FER: variants seen among roughly 807,000 people sequenced by gnomAD.
FER encodes the protein FER tyrosine kinase.
FER carries 63 observed loss-of-function variants against 111.0 expected under a neutral mutation model. The ratio of observed to expected loss-of-function variants is 0.57; its 90% CI spans 0.46 to 0.70. The LOEUF is 0.70. FER is among the 30% of genes least tolerant of loss of function. FER has a pLI of 0.00. For synonymous variants in FER, 327 were observed against 313.9 expected, an observed-to-expected ratio of 1.04 and a Z score of -0.44; for missense variants, 914 against 954.0, an observed-to-expected ratio of 0.96 and a Z score of 0.55.
At chr5:108,971,684 A>G (rs1002195189) in intron 13 of FER, among the ~76,000 whole-genome samples, 1 of 152,160 alleles carries the variant, frequency 6.6e-6, no homozygotes, top group Non-Finnish European at 1.5e-5. Flanking sequence ...AATAAAGAAC[A>G]TTCTACATCA....
intron 11 of FER, among the ~76,000 whole-genome samples, chr5:108,953,232 A>G (rs1221947120): frequency 6.6e-6 from 1 of 151,878 alleles, no homozygotes; most frequent in Non-Finnish European, 1.5e-5. Context: ...ATATTCTTTT[A>G]CCTCATAGTC....
chr5:108,827,785 C>A (rs1354394323), intron 3 of FER, among the ~76,000 whole-genome samples: 1 of 147,902 alleles, frequency 6.8e-6, no homozygotes. Context: ...AGTGTTTATC[C>A]CATTTTCGTA....
intron 9 of FER, among the ~76,000 whole-genome samples, chr5:108,888,388 A>G (rs1455979677): frequency 6.6e-6 from 1 of 151,914 alleles, no homozygotes; most frequent in Non-Finnish European, 1.5e-5. Flanking sequence ...TAAAATAATT[A>G]CCAGTTATTA....
At chr5:109,004,037 A>G (rs1350406558) in intron 13 of FER, among the ~76,000 whole-genome samples, 1 of 152,194 alleles carries the variant, frequency 6.6e-6, no homozygotes, top group Non-Finnish European at 1.5e-5. Flanking sequence ...TCAAATTGAC[A>G]AATATTAGAA....
intron 16 of FER, among the ~76,000 whole-genome samples, chr5:109,047,754 T>C (rs894505065): frequency 6.6e-6 from 1 of 152,128 alleles, no homozygotes; most frequent in Non-Finnish European, 1.5e-5. Flanking sequence ...TTTTGATGGT[T>C]ATATATAATA....
At chr5:108,780,294 A>C (rs959446815) in intron 2 of FER, among the ~76,000 whole-genome samples, 3 of 152,008 alleles carry the variant, frequency 2.0e-5, no homozygotes, top group Non-Finnish European at 4.4e-5. Flanking sequence ...ACTGGCAACA[A>C]ATTCCCTCAA....
chr5:109,091,328 C>T (rs1007303185), intron 16 of FER, among the ~76,000 whole-genome samples: 3 of 152,008 alleles, frequency 2.0e-5, no homozygotes, highest in Admixed American at 2.0e-4. Context: ...CTTGGTCACC[C>T]CAGATATGGC....
At chr5:108,770,388 T>A (rs1000645669) in intron 2 of FER, among the ~76,000 whole-genome samples, 2 of 152,264 alleles carry the variant, frequency 1.3e-5, no homozygotes, top group African/African-American at 4.8e-5. Flanking sequence ...ATAATTCTTT[T>A]AAGATTTTTG....
At chr5:109,143,895 G>T (rs903921172) in intron 17 of FER, among the ~76,000 whole-genome samples, 1 of 150,580 alleles carries the variant, frequency 6.6e-6, no homozygotes, top group African/African-American at 2.4e-5. Flanking sequence ...ATCTATCTTG[G>T]GGTCAGCACC....
chr5:108,884,524 T>TTC (rs1435715442), intron 9 of FER, among the ~76,000 whole-genome samples: 2 of 139,852 alleles, frequency 1.4e-5, no homozygotes. Context: ...TTTTTTTTTG[T>TTC]TTGTTTGTTT....
Position 109,193,484 on chromosome 5 carries a change from TCTAA to T in FER, c.*5913_*5916del, listed in dbSNP as rs1759519628. On this transcript the variant is annotated 3_prime_UTR_variant, in exon 20 of 20. Coordinates refer to ENST00000281092, the MANE Select transcript of FER (RefSeq NM_005246.4). Reference sequence around the variant, plus strand: ...CTCTAAGAGATACAAATCCTGAATTTCTAACTATCTTCTCAAATATTACTGAGGC... The same window carrying T: ...CTCTAAGAGATACAAATCCTGAATTTCTATCTTCTCAAATATTACTGAGGC... 6.6e-6 allele frequency: 1 copy of T among 152,220 alleles called. No individual in the cohort carries two copies. Among genetic ancestry groups the T allele is most frequent in the Admixed American group, 6.5e-5 (1 of 15,284 alleles). The allele number at this position is 152,220 out of a possible 1,614,324, so 9.4% of individuals were successfully genotyped here.
chr5:109,031,500 A>G (rs190424008), intron 13 of FER, among the ~76,000 whole-genome samples: 1 of 152,210 alleles, frequency 6.6e-6, no homozygotes, highest in Non-Finnish European at 1.5e-5. Flanking sequence ...TTAAAAAAAA[A>G]TTAAAGGGTT....
At chr5:108,829,926 C>A (rs958728432) in intron 3 of FER, among the ~76,000 whole-genome samples, 4 of 152,018 alleles carry the variant, frequency 2.6e-5, no homozygotes, top group African/African-American at 7.3e-5. Flanking sequence ...AAGGATTAGA[C>A]CTATAGGATA....
chr5:109,091,450 C>T (rs1234076877), intron 16 of FER, among the ~76,000 whole-genome samples: 2 of 152,188 alleles, frequency 1.3e-5, no homozygotes, highest in Non-Finnish European at 2.9e-5. Flanking sequence ...AGCATGGATG[C>T]CTCCACCCAG....
At chr5:109,090,639 A>G (rs1032041772) in intron 16 of FER, among the ~76,000 whole-genome samples, 1 of 152,220 alleles carries the variant, frequency 6.6e-6, no homozygotes, top group African/African-American at 2.4e-5. Context: ...ACAGAGAGGG[A>G]AACTATAAAA....
chr5:108,952,946 T>C (rs569178971), intron 11 of FER, among the ~76,000 whole-genome samples: 75 of 152,194 alleles, frequency 4.9e-4, no homozygotes, highest in Middle Eastern at 3.4e-3. Context: ...AAAAAGTCCT[T>C]TGTAAAGATG....
At chr5:108,833,566 A>C (rs1416821711) in intron 4 of FER, among the ~76,000 whole-genome samples, 1 of 151,990 alleles carries the variant, frequency 6.6e-6, no homozygotes, top group Non-Finnish European at 1.5e-5. Flanking sequence ...AGCTAAAATA[A>C]GTGATCTTGT....
intron 17 of FER, among the ~76,000 whole-genome samples, chr5:109,134,076 C>G (rs1752640921): frequency 6.6e-6 from 1 of 151,986 alleles, no homozygotes; most frequent in African/African-American, 2.4e-5. Context: ...TCCTAAGTAT[C>G]TTATTTCTCT....
chr5:108,901,120 T>C (rs999927899), intron 10 of FER, among the ~76,000 whole-genome samples: 1 of 151,850 alleles, frequency 6.6e-6, no homozygotes, highest in African/African-American at 2.4e-5. Context: ...TCTTTTCCTT[T>C]GGAGGATGCA....
Sources: allele counts gnomAD v4.1 joint callset (sites outside exome capture counted in the v4.1 genomes callset), GRCh38; gene constraint gnomAD v4.1.1; transcripts MANE v1.5; gene names NCBI Gene and HGNC (gene_info 2026-07-23, HGNC 2026-07-21).